The following FSTL5 variants were observed in gnomAD, a reference collection of about 807,000 sequenced individuals.
The protein encoded by FSTL5 is follistatin-related protein 5.
A neutral mutation model predicts 89.1 loss-of-function variants in FSTL5; 62 were observed. That is an observed-to-expected ratio of 0.70 (90% CI 0.57 to 0.86). FSTL5 has a LOEUF of 0.86. Among genes scored for constraint, FSTL5 ranks in the 40% least tolerant of loss-of-function variants. FSTL5 has a pLI of 0.00. For missense variants in FSTL5, 1,057 were observed against 1,001.6 expected (o/e 1.06, Z -0.75); for synonymous variants, 383 against 346.2 (o/e 1.11, Z -1.18).
chr4:162,067,845 G>A (rs1738969445), intron 2 of FSTL5, among the ~76,000 whole-genome samples: 2 of 152,168 alleles, frequency 1.3e-5, no homozygotes, highest in Admixed American at 6.6e-5. Context: ...AGCAACTTCA[G>A]CAAAGTCTCA....
chr4:161,643,284 C>G (rs1172414394), intron 7 of FSTL5, among the ~76,000 whole-genome samples: 1 of 152,132 alleles, frequency 6.6e-6, no homozygotes, highest in Non-Finnish European at 1.5e-5. Context: ...GTACCTTTCT[C>G]TCTCAAGTCT....
intron 3 of FSTL5, among the ~76,000 whole-genome samples, chr4:162,017,400 G>T: frequency 6.6e-6 from 1 of 152,062 alleles, no homozygotes; most frequent in East Asian, 1.9e-4. Context: ...CTGATTCTTG[G>T]TATTTCTATT....
In FSTL5 at chr4:161,489,433, C is replaced by A. The variant is rs192378534; in HGVS notation, c.1459-8264G>T. 2.8e-4 allele frequency among the ~76,000 whole-genome samples: 42 copies of A among 151,960 alleles called. No homozygotes were observed. The East Asian group carries it at 7.0e-3, about 25-fold the overall frequency. ...GACAAAAAGGTGTTGGAATTGAAAG[C>A]CAATATTAAAGCATTAAAGAAATAG... On this transcript the variant is annotated intron_variant, in intron 12 of 15. Coordinates refer to ENST00000306100, the MANE Select transcript of FSTL5 (RefSeq NM_020116.5).
intron 1 of FSTL5, among the ~76,000 whole-genome samples, chr4:162,124,084 ATG>A (rs1274907226): frequency 6.6e-6 from 1 of 152,184 alleles, no homozygotes; most frequent in African/African-American, 2.4e-5. Context: ...TTAAAATTAT[ATG>A]TCTTATGTCT....
At chr4:161,472,938 T>C (rs1578860598) in intron 13 of FSTL5, among the ~76,000 whole-genome samples, 1 of 152,152 alleles carries the variant, frequency 6.6e-6, no homozygotes, top group African/African-American at 2.4e-5. Context: ...TTGGCCAGGA[T>C]CGTCTCGATC....
At chr4:161,510,122 G>A (rs1398205695) in intron 11 of FSTL5, among the ~76,000 whole-genome samples, 1 of 152,088 alleles carries the variant, frequency 6.6e-6, no homozygotes. Flanking sequence ...GTTTAACTGA[G>A]ATTGCTTTTG....
intron 3 of FSTL5, among the ~76,000 whole-genome samples, chr4:161,997,249 T>C (rs1379172283): frequency 6.6e-6 from 1 of 152,168 alleles, no homozygotes; most frequent in African/African-American, 2.4e-5. Context: ...ATTTTTCTTA[T>C]AGAAATTTTA....
intron 12 of FSTL5, among the ~76,000 whole-genome samples, chr4:161,486,270 T>C (rs1729676193): frequency 6.6e-6 from 1 of 150,982 alleles, no homozygotes; most frequent in Admixed American, 6.6e-5. Flanking sequence ...GAAATACAAA[T>C]GTGATAAATA....
At chr4:161,562,274 G>A (rs1330037919) in intron 8 of FSTL5, among the ~76,000 whole-genome samples, 1 of 152,012 alleles carries the variant, frequency 6.6e-6, no homozygotes, top group African/African-American at 2.4e-5. Context: ...GAGTTCCCCA[G>A]GTTTGTTCTT....
At chr4:161,649,597 T>C (rs1053195966) in intron 7 of FSTL5, among the ~76,000 whole-genome samples, 5 of 152,118 alleles carry the variant, frequency 3.3e-5, no homozygotes, top group African/African-American at 1.2e-4. Context: ...AAAACAAAAA[T>C]AAATAGAACA....
At chr4:161,670,508 C>T (rs141786641) in intron 6 of FSTL5, among the ~76,000 whole-genome samples, 26 of 152,176 alleles carry the variant, frequency 1.7e-4, no homozygotes, top group African/African-American at 4.6e-4. Context: ...TGAACTAATC[C>T]CTCCATGTGG....
chr4:162,138,339 AATTTACCAC>A (rs150861644), intron 1 of FSTL5, among the ~76,000 whole-genome samples: 7,796 of 152,138 alleles, frequency 0.051, 403 homozygotes, highest in African/African-American at 0.13. Flanking sequence ...TAGTTATTGT[AATTTACCAC>A]ATTTACAGAT....
At chr4:161,535,590 T>A (rs1407332817) in intron 10 of FSTL5, among the ~76,000 whole-genome samples, 3 of 152,176 alleles carry the variant, frequency 2.0e-5, no homozygotes, top group East Asian at 1.9e-4. Context: ...AAACAGTAGA[T>A]CCTGGCAAGG....
chr4:161,450,884 C>T (rs1733140545), intron 15 of FSTL5, among the ~76,000 whole-genome samples: 1 of 151,760 alleles, frequency 6.6e-6, no homozygotes, highest in Non-Finnish European at 1.5e-5. Context: ...GCTGGGACTA[C>T]AGGCGCCCAC....
rs1434041786 is a variant in FSTL5, at chr4:161,398,312, G to A, written c.1842-11863C>T. 2.0e-5 allele frequency among the ~76,000 whole-genome samples: 3 copies of A among 151,988 alleles called. No individual in the cohort carries two copies. In the East Asian group the frequency reaches 5.8e-4, roughly 29 times the overall value. ...AACCTTCCACCAAATGAAATTCCAC[G>A]CTGCAGTTGTAAAAATGATAGTGTA... On this transcript the variant is annotated intron_variant, in intron 15 of 15. Transcript: ENST00000306100.
At chr4:161,690,045 T>C (rs1432817130) in intron 6 of FSTL5, among the ~76,000 whole-genome samples, 1 of 152,132 alleles carries the variant, frequency 6.6e-6, no homozygotes, top group Non-Finnish European at 1.5e-5. Flanking sequence ...TTCCATTTAT[T>C]GATGGGTGGA....
In FSTL5 at chr4:161,760,410, T is replaced by G. The variant is rs144552319; in HGVS notation, c.607-879A>C. ...CATCACAGTGGTTGGTTGGTTGGTT[T>G]GTTTGTTTTAAAAGTGGTGCGGTAT... On this transcript the variant is annotated intron_variant, in intron 5 of 15. Coordinates refer to ENST00000306100, the MANE Select transcript of FSTL5 (RefSeq NM_020116.5). Among the ~76,000 whole-genome samples, 58 of 152,296 alleles carry G rather than the reference T, an allele frequency of 3.8e-4. 1 individual carries two copies. Among genetic ancestry groups the G allele is most frequent in the Middle Eastern group, 6.8e-3 (2 of 294 alleles).
At chr4:161,623,020 AAAGTC>A (rs1735196725) in intron 7 of FSTL5, among the ~76,000 whole-genome samples, 1 of 152,090 alleles carries the variant, frequency 6.6e-6, no homozygotes, top group Admixed American at 6.6e-5. Flanking sequence ...AAAGACAATA[AAAGTC>A]ATAAACTATC....
At chr4:161,600,199 A>AC (rs201433945) in intron 7 of FSTL5, among the ~76,000 whole-genome samples, 130 of 149,666 alleles carry the variant, frequency 8.7e-4, no homozygotes, top group South Asian at 2.5e-3. Flanking sequence ...ACACACACAC[A>AC]AACAGTATGC....
Sources: allele counts gnomAD v4.1 joint callset (sites outside exome capture counted in the v4.1 genomes callset), GRCh38; gene constraint gnomAD v4.1.1; transcripts MANE v1.5; gene names NCBI Gene and HGNC (gene_info 2026-07-23, HGNC 2026-07-21).